The following C1orf167 variants were observed in gnomAD, a reference collection of about 807,000 sequenced individuals.
The protein encoded by C1orf167 is chromosome 1 open reading frame 167.
C1orf167 carries 153 observed loss-of-function variants against 176.5 expected under a neutral mutation model. The ratio of observed to expected loss-of-function variants is 0.87; its 90% CI spans 0.76 to 0.99. C1orf167 has a LOEUF of 0.99. Among genes scored for constraint, C1orf167 ranks in the 50% least tolerant of loss-of-function variants. The pLI is 0.00. For synonymous variants in C1orf167, 594 were observed against 752.7 expected (o/e 0.79, Z 3.45); for missense variants, 1,490 against 1,817.7 (o/e 0.82, Z 3.28).
chr1:11,770,197 C>T (rs1029430067), intron 6 of C1orf167, among the ~76,000 whole-genome samples: 9 of 136,042 alleles, frequency 6.6e-5, no homozygotes, highest in African/African-American at 2.4e-4. Flanking sequence ...AAATATTTTT[C>T]CCAACCACAT....
rs1642844561 is a variant in C1orf167, at chr1:11,767,222, A to G, written c.1301A>G (p.Asn434Ser). The change falls in exon 4 of 21, where the codon AAC becomes AGC. Residue 434 changes from asparagine (N) to serine (S), a missense_variant and splice_region_variant. Coordinates refer to ENST00000688073, the MANE Select transcript of C1orf167 (RefSeq NM_001010881.2). ...TGTTATGTACTCTTGCTTTCCCAGA[A>G]CAAGGCACAAAACATCACAGCCCCA... ...DTVPASSASK[N>S]KAQNITAPES... 7.8e-7 allele frequency: 1 copy of G among 1,289,482 alleles called. No individual in the cohort carries two copies. The highest frequency in any genetic ancestry group is 1.0e-6 in the Non-Finnish European group (1 of 988,818). 79.9% of individuals were successfully genotyped at this position (1,289,482 alleles called of 1,614,324 possible). A position where few individuals can be genotyped will look rare whatever the true frequency, so the allele number is the denominator to read the frequency against.
At position 11,768,076 on chromosome 1, in the gene C1orf167, G is replaced by T. The variant is rs1431735306; in HGVS notation, c.1344-1G>T. ...CCTGATCAGCCCTGGTCTGTCCCCA[G>T]CTGGCAGCTGTTGTCCAGATGTTTT... On this transcript the variant is annotated splice_acceptor_variant, in intron 4 of 20. Coordinates refer to ENST00000688073, the MANE Select transcript of C1orf167 (RefSeq NM_001010881.2). LOFTEE classifies it high-confidence loss of function. The surrounding 1 kb of genome is among the most constrained non-coding windows in gnomAD (Gnocchi z 4.5). 13 of 1,284,074 alleles carry T rather than the reference G, an allele frequency of 1.0e-5. No individual in the cohort carries two copies. Among genetic ancestry groups the T allele is most frequent in the Non-Finnish European group, 1.3e-5 (13 of 985,818 alleles). The allele number at this position is 1,284,074 out of a possible 1,614,324, so 79.5% of individuals were successfully genotyped here.
chr1:11,785,348 G>A (rs866295527), intron 16 of C1orf167, 59 bp downstream of exon 16: 138 of 1,226,086 alleles, frequency 1.1e-4, no homozygotes, highest in Admixed American at 8.0e-4. Context: ...AGCAGGGGGA[G>A]CCTGCTGCTG....
chr1:11,780,614 A>G (rs564343636), intron 13 of C1orf167, among the ~76,000 whole-genome samples: 1 of 152,312 alleles, frequency 6.6e-6, no homozygotes, highest in African/African-American at 2.4e-5. Flanking sequence ...AAATGGGGAT[A>G]ATGTAGTCCC....
chr1:11,789,214 C>T (rs1258960012), intron 20 of C1orf167, 56 bp from the exon 21 acceptor site: 5 of 1,290,454 alleles, frequency 3.9e-6, no homozygotes, highest in Non-Finnish European at 5.1e-6. Flanking sequence ...GCAGGCACAG[C>T]ACAGACCCCG....
At chr1:11,784,789 G>A (rs1643769759) in intron 15 of C1orf167, among the ~76,000 whole-genome samples, 196 bp downstream of exon 15, 1 of 152,188 alleles carries the variant, frequency 6.6e-6, no homozygotes, top group Non-Finnish European at 1.5e-5. Context: ...CTTGCTGTGT[G>A]TCCCCTCCTT....
At position 11,764,383 on chromosome 1, in the gene C1orf167, AC is replaced by A; in HGVS notation, c.-17del. ...ACTCACTGTGGAGTGGACCAAGGAT[AC>A]TCCTGTCCCTGAGCCCATGGAGCTA... On this transcript the variant is annotated 5_prime_UTR_variant, in exon 2 of 21. Coordinates refer to ENST00000688073, the MANE Select transcript of C1orf167 (RefSeq NM_001010881.2). 7.8e-7 allele frequency: 1 copy of A among 1,288,814 alleles called. No individual in the cohort carries two copies. Among genetic ancestry groups the A allele is most frequent in the South Asian group, 1.2e-5 (1 of 81,018 alleles). 79.8% of individuals were successfully genotyped at this position (1,288,814 alleles called of 1,614,324 possible).
At chr1:11,782,015 TG>T (rs1324895213) in intron 13 of C1orf167, among the ~76,000 whole-genome samples, 173 bp from the exon 14 acceptor site, 1 of 152,188 alleles carries the variant, frequency 6.6e-6, no homozygotes, top group Non-Finnish European at 1.5e-5. Context: ...CTCTATGAGC[TG>T]GGCTGGCCTG....
At chr1:11,779,343 GTCTCCCTGGGT>G (rs1643483469) in intron 12 of C1orf167, 2 of 224,572 alleles carry the variant, frequency 8.9e-6, no homozygotes, top group Non-Finnish European at 1.8e-5. Context: ...ATAAGAGTTG[GTCTCCCTGGGT>G]TCTAATCCCA....
chr1:11,766,913 G>A lies in C1orf167; in HGVS notation c.1127G>A (p.Gly376Glu). 8.1e-7 allele frequency: 1 copy of A among 1,227,730 alleles called. No individual in the cohort carries two copies. The highest frequency in any genetic ancestry group is 1.0e-6 in the Non-Finnish European group (1 of 957,064). 76.1% of individuals were successfully genotyped at this position (1,227,730 alleles called of 1,614,324 possible). A position where few individuals can be genotyped will look rare whatever the true frequency, so the allele number is the denominator to read the frequency against. ...AQRGDPSLPR[G>E]VGSRGTDPCS... Reference sequence around the variant, plus strand: ...AGGGGTGACCCCAGTCTCCCTCGAGGGGTGGGAAGCAGGGGGACCGACCCC... The same window carrying A: ...AGGGGTGACCCCAGTCTCCCTCGAGAGGTGGGAAGCAGGGGGACCGACCCC... The change falls in exon 3 of 21, where the codon GGG becomes GAG. Residue 376 changes from glycine to glutamate, a missense_variant. Gly to Glu is a moderately conservative substitution (Grantham distance 98). Transcript: ENST00000688073. This position sits in a 1 kb window ranked among gnomAD's most constrained non-coding sequence, Gnocchi z 4.5.
At chr1:11,765,438 A>G (rs544583494) in intron 2 of C1orf167, among the ~76,000 whole-genome samples, 1 of 150,224 alleles carries the variant, frequency 6.7e-6, no homozygotes, top group African/African-American at 2.5e-5. Flanking sequence ...TGCCCCCACC[A>G]CCTCTTTGCT....
chr1:11,783,742 C>T (rs1367341170), intron 14 of C1orf167, among the ~76,000 whole-genome samples: 1 of 152,220 alleles, frequency 6.6e-6, no homozygotes, highest in Non-Finnish European at 1.5e-5. Flanking sequence ...CCAGTGCTTT[C>T]ACCTGTTACT....
chr1:11,779,651 T>G, intron 12 of C1orf167, 151 bp from the exon 13 acceptor site: 3 of 509,500 alleles, frequency 5.9e-6, no homozygotes, highest in South Asian at 4.0e-5. Flanking sequence ...GCCCCTCCAG[T>G]CCCCAGCAAC....
intron 1 of C1orf167, among the ~76,000 whole-genome samples, chr1:11,763,837 G>C (rs1177028564): frequency 6.6e-6 from 1 of 152,194 alleles, no homozygotes; most frequent in Non-Finnish European, 1.5e-5. Flanking sequence ...GGATGCGTGT[G>C]GGAGGCAGAG....
rs1330766594 is a variant in C1orf167, at chr1:11,766,491, T to G, written c.705T>G (p.Ala235=). 3.9e-6 allele frequency: 5 copies of G among 1,283,516 alleles called. No individual in the cohort carries two copies. The highest frequency in any genetic ancestry group is 5.1e-6 in the Non-Finnish European group (5 of 985,612). The allele number at this position is 1,283,516 out of a possible 1,614,324, so 79.5% of individuals were successfully genotyped here. A position where few individuals can be genotyped will look rare whatever the true frequency, so the allele number is the denominator to read the frequency against. The change falls in exon 3 of 21, where the codon GCT becomes GCG. Residue 235 remains alanine (A), a synonymous_variant. Transcript: ENST00000688073. This position sits in a 1 kb window ranked among gnomAD's most constrained non-coding sequence, Gnocchi z 4.5. ...ACCAGACTCAGGCCCCATCCCGTGCTGCCGTCCACCAGCTGCTGGCTTCTG... is the reference window on the plus strand; with the variant it reads ...ACCAGACTCAGGCCCCATCCCGTGCGGCCGTCCACCAGCTGCTGGCTTCTG... ...SQNQTQAPSR[A]AVHQLLASVH... is the part of the protein sequence containing the mutation.
chr1:11,775,540 G>T lies in C1orf167; in HGVS notation c.2094G>T (p.Val698=), dbSNP rs543313933. The change falls in exon 9 of 21, where the codon GTG becomes GTT. Residue 698 remains valine (V), a synonymous_variant. Transcript: ENST00000688073. ...TGAGGAAATGCCTGGAACAGTGGGT[G>T]CGGATGAAGCAGCTCCGGGAATCAG... ...GTLRKCLEQW[V]RMKQLRESDG... 3.1e-6 allele frequency: 4 copies of T among 1,304,272 alleles called. No homozygotes were observed. The South Asian group carries it at 4.9e-5, about 16-fold the overall frequency. The allele number at this position is 1,304,272 out of a possible 1,614,324, so 80.8% of individuals were successfully genotyped here.
Position 11,788,006 on chromosome 1 carries a change from A to G in C1orf167, c.3807A>G (p.Arg1269=), listed in dbSNP as rs906777088. 7.7e-7 allele frequency: 1 copy of G among 1,303,186 alleles called. No homozygotes were observed. Among genetic ancestry groups the G allele is most frequent in the Non-Finnish European group, 1.0e-6 (1 of 988,460 alleles). The allele number at this position is 1,303,186 out of a possible 1,614,324, so 80.7% of individuals were successfully genotyped here. Residue 1269 remains arginine, a synonymous_variant, in exon 18 of 21, where the codon AGA becomes AGG. Transcript: ENST00000688073. The stretch of plus-strand genomic sequence containing the variant: ...GAGCGCACTCCAGCCCTGAGCCCAG[A>G]GCCTGCAAAGCCCAAAGCAAGGCCC... ...GPRAHSSPEP[R]ACKAQSKAHK... is the part of the protein sequence containing the mutation.
Position 11,778,931 on chromosome 1 carries a change from C to A in C1orf167, c.2502C>A (p.Pro834=). 7.7e-7 allele frequency: 1 copy of A among 1,303,116 alleles called. No individual in the cohort carries two copies. The highest frequency in any genetic ancestry group is 1.0e-6 in the Non-Finnish European group (1 of 988,174). The allele number at this position is 1,303,116 out of a possible 1,614,324, so 80.7% of individuals were successfully genotyped here. A position where few individuals can be genotyped will look rare whatever the true frequency, so the allele number is the denominator to read the frequency against. ...STLQDSLEKV[P]RAPTLPDTLQ... is the part of the protein sequence containing the mutation. ...CTCCACATCTCCTTCCCCAGGTTCC[C>A]AGGGCCCCCACCCTCCCGGACACTC... The change falls in exon 12 of 21, where the codon CCC becomes CCA. Residue 834 remains proline, a synonymous_variant. Transcript: ENST00000688073.
chr1:11,779,180 G>T lies in C1orf167; in HGVS notation c.2651+100G>T, dbSNP rs1316462340. 28 of 1,118,764 alleles carry T rather than the reference G, an allele frequency of 2.5e-5. No individual in the cohort carries two copies. In the East Asian group the frequency reaches 1.6e-3, roughly 64 times the overall value. 69.3% of individuals were successfully genotyped at this position (1,118,764 alleles called of 1,614,324 possible). Reference sequence around the variant, plus strand: ...GCCTTCACAGCAGCAGCCCCTTGGGGTCTGCACCTCAGGGGGCTTCAGTTC... The same window carrying T: ...GCCTTCACAGCAGCAGCCCCTTGGGTTCTGCACCTCAGGGGGCTTCAGTTC... On this transcript the variant is annotated intron_variant, in intron 12 of 20. Coordinates refer to ENST00000688073, the MANE Select transcript of C1orf167 (RefSeq NM_001010881.2).
Sources: allele counts gnomAD v4.1 joint callset (sites outside exome capture counted in the v4.1 genomes callset), GRCh38; gene constraint gnomAD v4.1.1; non-coding constraint Gnocchi (gnomAD v3.1); transcripts MANE v1.5; gene names NCBI Gene and HGNC (gene_info 2026-07-23, HGNC 2026-07-21).